CREBBP: variants seen among roughly 807,000 people sequenced by gnomAD.
CREBBP encodes CREB binding lysine acetyltransferase.
CREBBP carries 19 observed loss-of-function variants against 265.0 expected under a neutral mutation model. That is an observed-to-expected ratio of 0.07 (90% CI 0.05 to 0.11). CREBBP has a LOEUF of 0.11. CREBBP is among the 10% of genes least tolerant of loss of function. CREBBP has a pLI of 1.00. For synonymous variants in CREBBP, 1,457 were observed against 1,223.7 expected (o/e 1.19, Z -3.98); for missense variants, 2,525 against 3,219.0 (o/e 0.78, Z 5.22).
chr16:3,874,528 T>G (rs1329961018), intron 1 of CREBBP, among the ~76,000 whole-genome samples: 1 of 152,244 alleles, frequency 6.6e-6, no homozygotes, highest in Non-Finnish European at 1.5e-5. Flanking sequence ...GGCTACTTTC[T>G]TGCTGAAATG....
In CREBBP at chr16:3,850,279, G is replaced by C. The variant is rs1478747096; in HGVS notation, c.798+18C>G. 2.5e-6 allele frequency: 4 copies of C among 1,613,634 alleles called. No homozygotes were observed. The highest frequency in any genetic ancestry group is 2.7e-5 in the African/African-American group (2 of 74,920). On this transcript the variant is annotated intron_variant, in intron 2 of 30. Transcript: ENST00000262367. ...CGCGGTTAGGTAGGAAGTATTGAAA[G>C]TGCTTCAGTTCACTTACCTTGGCCA...
chr16:3,735,292 G>A (rs138590223), intron 28 of CREBBP, among the ~76,000 whole-genome samples: 61 of 152,252 alleles, frequency 4.0e-4, no homozygotes, highest in Middle Eastern at 3.4e-3. Flanking sequence ...CCTTGGGGGC[G>A]GAGATGGGGT....
rs188272344 is a variant in CREBBP, at chr16:3,812,260, C to T, written c.799-1481G>A. ...GTGGCGTGATCTCGGCTCACTGAAACCTCCCTCTCCCAGGTTCAAGCAATT... is the reference window on the plus strand; with the variant it reads ...GTGGCGTGATCTCGGCTCACTGAAATCTCCCTCTCCCAGGTTCAAGCAATT... On this transcript the variant is annotated intron_variant, in intron 2 of 30. Transcript: ENST00000262367. Among the ~76,000 whole-genome samples, 4 of 152,146 alleles carry T rather than the reference C, an allele frequency of 2.6e-5. No homozygotes were observed. The East Asian group carries it at 7.7e-4, about 29-fold the overall frequency.
At chr16:3,743,229 T>C (rs916807005) in intron 23 of CREBBP, 12 of 152,232 alleles carry the variant, frequency 7.9e-5, no homozygotes, top group Non-Finnish European at 1.3e-4. Context: ...AATCCTGTAA[T>C]GCGCAGGACA....
intron 2 of CREBBP, among the ~76,000 whole-genome samples, chr16:3,845,467 G>T (rs796105778): frequency 6.6e-6 from 1 of 152,104 alleles, no homozygotes; most frequent in Non-Finnish European, 1.5e-5. Context: ...ACAGCATATC[G>T]TATCAGTGGG....
At chr16:3,738,389 TG>T (rs1379492568) in intron 26 of CREBBP, among the ~76,000 whole-genome samples, 169 bp downstream of exon 26, 2 of 149,272 alleles carry the variant, frequency 1.3e-5, no homozygotes, top group Non-Finnish European at 3.0e-5. Context: ...GAGCCAGACC[TG>T]TGAGGCTCGG....
intron 5 of CREBBP, among the ~76,000 whole-genome samples, chr16:3,784,063 AT>A (rs2053334027): frequency 6.6e-6 from 1 of 152,166 alleles, no homozygotes; most frequent in Non-Finnish European, 1.5e-5. Context: ...ACTTCCACAA[AT>A]TTTAGAGTCA....
intron 2 of CREBBP, among the ~76,000 whole-genome samples, chr16:3,828,371 C>T (rs1173193093): frequency 2.0e-5 from 3 of 152,200 alleles, no homozygotes; most frequent in Non-Finnish European, 2.9e-5. Flanking sequence ...GGATTACAAG[C>T]GTGAGCCACC....
At chr16:3,808,952 C>A (rs147477808) in intron 3 of CREBBP, among the ~76,000 whole-genome samples, 115 of 152,268 alleles carry the variant, frequency 7.6e-4, no homozygotes, top group African/African-American at 2.6e-3. Context: ...AGGTCAGTAC[C>A]GTTCCCTGAA....
chr16:3,735,065 T>C (rs930026874), intron 28 of CREBBP, among the ~76,000 whole-genome samples: 5 of 152,050 alleles, frequency 3.3e-5, no homozygotes, highest in African/African-American at 1.2e-4. Flanking sequence ...CACGCCACCA[T>C]CATCTCTTCC....
At position 3,745,331 on chromosome 16, in the gene CREBBP, C is replaced by A. The variant is rs2151355714; in HGVS notation, c.3860G>T (p.Gly1287Val). ...PEPFVDCKEC[G>V]RKMHQICVLH... ...AACGCAAATCTGATGCATCTTCCGG[C>A]CACACTCCTTGCAATCAACGAAACT... is the stretch of plus-strand genomic sequence containing the variant. The change falls in exon 22 of 31, where the codon GGC (glycine) becomes GTC (valine). Residue 1287 changes from glycine to valine, a missense_variant. By Grantham distance (109) the Gly-to-Val change is moderately radical. Coordinates refer to ENST00000262367, the MANE Select transcript of CREBBP (RefSeq NM_004380.3). 6.2e-7 allele frequency: 1 copy of A among 1,614,108 alleles called. No homozygotes were observed. Among genetic ancestry groups the A allele is most frequent in the Non-Finnish European group, 8.5e-7 (1 of 1,179,992 alleles).
At chr16:3,796,979 C>A (rs2053620112) in intron 3 of CREBBP, among the ~76,000 whole-genome samples, 1 of 152,148 alleles carries the variant, frequency 6.6e-6, no homozygotes, top group South Asian at 2.1e-4. Context: ...AAAGTACTTA[C>A]AAATACAGGG....
chr16:3,801,858 TGA>T (rs942302635), intron 3 of CREBBP, among the ~76,000 whole-genome samples: 23 of 151,920 alleles, frequency 1.5e-4, no homozygotes, highest in Non-Finnish European at 2.6e-4. Context: ...AAGGAGGAGG[TGA>T]GTATGGTGTG....
chr16:3,773,804 C>T lies in CREBBP; in HGVS notation c.2410G>A (p.Gly804Arg), dbSNP rs754981072. The T allele has an allele frequency of 1.1e-5, 17 of 1,613,344 alleles. No homozygotes were observed. Among genetic ancestry groups the T allele is most frequent in the East Asian group, 4.5e-5 (2 of 44,906 alleles). The change falls in exon 13 of 31, where the codon GGG (glycine) becomes AGG (arginine). Residue 804 changes from glycine (G) to arginine (R), a missense_variant. Gly to Arg is a moderately radical substitution (Grantham distance 125). Around this residue, in one of 19 missense-constraint regions of CREBBP, gnomAD observed 548 missense variants for 533.0 expected, o/e 1.03. Transcript: ENST00000262367. The stretch of plus-strand genomic sequence containing the variant: ...TGCCCCATGCCCACACTCATCGCCC[C>T]GCTGGATGACGGGAACTGGTTCTGT... ...LPQNQFPSSS[G>R]AMSVGMGQPP...
chr16:3,848,174 A>G (rs964894208), intron 2 of CREBBP, among the ~76,000 whole-genome samples: 1 of 151,788 alleles, frequency 6.6e-6, no homozygotes, highest in African/African-American at 2.4e-5. Flanking sequence ...CATCTCAGAA[A>G]AAAAAAAAAA....
At chr16:3,873,159 A>G (rs572160535) in intron 1 of CREBBP, among the ~76,000 whole-genome samples, 5 of 152,208 alleles carry the variant, frequency 3.3e-5, no homozygotes, top group Non-Finnish European at 5.9e-5. Context: ...GATAAATTAT[A>G]CACAGTAAAC....
intron 2 of CREBBP, among the ~76,000 whole-genome samples, chr16:3,819,769 G>C (rs1446471187): frequency 6.6e-6 from 1 of 152,070 alleles, no homozygotes; most frequent in Non-Finnish European, 1.5e-5. Context: ...TAAATCATAA[G>C]CAATAATGAC....
At chr16:3,769,975 A>G (rs2141195574) in intron 14 of CREBBP, among the ~76,000 whole-genome samples, 1 of 151,952 alleles carries the variant, frequency 6.6e-6, no homozygotes, top group Middle Eastern at 3.4e-3. Flanking sequence ...GGCTCAAGCG[A>G]TTCTCCCGCC....
At chr16:3,861,061 A>G (rs2055062858) in intron 1 of CREBBP, among the ~76,000 whole-genome samples, 1 of 152,164 alleles carries the variant, frequency 6.6e-6, no homozygotes, top group Admixed American at 6.5e-5. Flanking sequence ...ACCTATGGTC[A>G]GGAGTTCGAA....
Sources: allele counts gnomAD v4.1 joint callset (sites outside exome capture counted in the v4.1 genomes callset), GRCh38; gene constraint gnomAD v4.1.1; regional missense constraint gnomAD v4.1.1; transcripts MANE v1.5; gene names NCBI Gene and HGNC (gene_info 2026-07-23, HGNC 2026-07-21).